SLC25A26: variants seen among roughly 807,000 people sequenced by gnomAD.
SLC25A26 encodes the protein solute carrier family 25 member 26.
Under a neutral mutation model 37.8 loss-of-function variants are expected in SLC25A26, and 36 were observed. That is an observed-to-expected ratio of 0.95 (90% CI 0.73 to 1.26). The LOEUF is 1.26. SLC25A26 is among the 50% of genes most tolerant of loss of function. The probability of loss-of-function intolerance (pLI) is 0.00; values close to 1 mark genes in which losing one functional copy is unlikely to be tolerated. For missense variants in SLC25A26, 390 were observed against 331.1 expected (o/e 1.18, Z -1.38); for synonymous variants, 129 against 122.5 (o/e 1.05, Z -0.35).
chr3:66,325,775 GGA>G (rs1192894068), intron 5 of SLC25A26, among the ~76,000 whole-genome samples: 2 of 152,172 alleles, frequency 1.3e-5, no homozygotes, highest in Non-Finnish European at 2.9e-5. Context: ...CCAAGACCAT[GGA>G]AGGACATTTT....
intron 5 of SLC25A26, among the ~76,000 whole-genome samples, chr3:66,294,765 G>T (rs1461172592): frequency 6.6e-6 from 1 of 152,178 alleles, no homozygotes; most frequent in Non-Finnish European, 1.5e-5. Flanking sequence ...CTACTATGTA[G>T]TAACCTATTT....
At chr3:66,291,731 A>G (rs933550353) in intron 5 of SLC25A26, among the ~76,000 whole-genome samples, 6 of 152,136 alleles carry the variant, frequency 3.9e-5, no homozygotes, top group Non-Finnish European at 5.9e-5. Context: ...TATGTGGTCA[A>G]TTTTAGAATA....
intron 5 of SLC25A26, among the ~76,000 whole-genome samples, chr3:66,310,128 AAGTC>A (rs2075335877): frequency 6.6e-6 from 1 of 152,110 alleles, no homozygotes. Flanking sequence ...TATTGTGTGG[AAGTC>A]TAAGTTTCTT....
At chr3:66,136,771 T>C (rs1304868166) in intron 1 of SLC25A26, among the ~76,000 whole-genome samples, 1 of 152,192 alleles carries the variant, frequency 6.6e-6, no homozygotes, top group Admixed American at 6.5e-5. Context: ...ACAGTATGCA[T>C]TAAATTGTAT....
chr3:66,216,493 A>G (rs2071363075), upstream of SLC25A26, among the ~76,000 whole-genome samples: 2 of 152,334 alleles, frequency 1.3e-5, no homozygotes, highest in South Asian at 4.1e-4. Flanking sequence ...CCTGGGCAAC[A>G]GGACAAGAAC....
chr3:66,363,770 G>T (rs564649443), intron 7 of SLC25A26, among the ~76,000 whole-genome samples: 3 of 152,252 alleles, frequency 2.0e-5, no homozygotes, highest in East Asian at 1.9e-4. Context: ...GGTCATTTTT[G>T]TTGTTGTTGT....
chr3:66,286,814 C>T (rs1035757106), intron 5 of SLC25A26, among the ~76,000 whole-genome samples: 3 of 152,092 alleles, frequency 2.0e-5, no homozygotes, highest in African/African-American at 7.2e-5. Context: ...AGGTGTGCAC[C>T]ACCATGCCCT....
At chr3:66,293,259 T>TA (rs1252219429) in intron 5 of SLC25A26, 1 of 152,154 alleles carries the variant, frequency 6.6e-6, no homozygotes, top group Admixed American at 6.5e-5. Context: ...TAACTGCCTT[T>TA]AAGGAGTATT....
At chr3:66,245,801 A>G (rs905887805) in intron 3 of SLC25A26, among the ~76,000 whole-genome samples, 15 of 152,152 alleles carry the variant, frequency 9.9e-5, no homozygotes, top group African/African-American at 3.6e-4. Flanking sequence ...TTTTAAAGAA[A>G]CCAGCTTTAT....
At position 66,256,667 on chromosome 3, in the gene SLC25A26, A is replaced by C. The variant is rs538235783; in HGVS notation, c.301-5384A>C. On this transcript the variant is annotated intron_variant, in intron 3 of 9. Coordinates refer to ENST00000354883, the MANE Select transcript of SLC25A26 (RefSeq NM_001379210.1). ...TTCCAGTGCTTTGGGAGGTTGAGGC[A>C]GGTGGATCATTTGAGGCCAGGAGTT... Among the ~76,000 whole-genome samples, 33 of 152,266 alleles carry C rather than the reference A, an allele frequency of 2.2e-4. No homozygotes were observed. In the South Asian group the frequency reaches 4.3e-3, roughly 20 times the overall value.
chr3:66,367,024 T>C (rs539151939), intron 7 of SLC25A26, among the ~76,000 whole-genome samples: 99 of 152,322 alleles, frequency 6.5e-4, no homozygotes, highest in African/African-American at 2.2e-3. Flanking sequence ...TCCCTGCCTT[T>C]TAGAGGATGA....
chr3:66,290,853 C>G (rs1434479876), intron 5 of SLC25A26, among the ~76,000 whole-genome samples: 2 of 152,182 alleles, frequency 1.3e-5, no homozygotes, highest in Non-Finnish European at 2.9e-5. Flanking sequence ...AGGAGCCCCT[C>G]TTTTTCTATT....
intron 5 of SLC25A26, among the ~76,000 whole-genome samples, chr3:66,272,729 C>T (rs1049876742): frequency 4.6e-5 from 7 of 152,130 alleles, no homozygotes; most frequent in Non-Finnish European, 2.9e-5. Flanking sequence ...AAATTAATTA[C>T]TGCTGCAAAC....
At chr3:66,235,646 ATTAG>A (rs1172382059) in intron 1 of SLC25A26, among the ~76,000 whole-genome samples, 7 of 152,230 alleles carry the variant, frequency 4.6e-5, no homozygotes, top group African/African-American at 9.6e-5. Context: ...TTCACTGCTT[ATTAG>A]TTAAGACAAC....
At position 66,377,679 on chromosome 3, in the gene SLC25A26, T is replaced by A. The variant is rs1700754596; in HGVS notation, c.708-11T>A. On this transcript the variant is annotated splice_polypyrimidine_tract_variant and intron_variant, in intron 9 of 9. Coordinates refer to ENST00000354883, the MANE Select transcript of SLC25A26 (RefSeq NM_001379210.1). ...TACGCACAACATTAAAAATCCTGTT[T>A]TTTCCCCTAGATTATTTGCAGGTGT... 1.9e-6 allele frequency: 3 copies of A among 1,607,310 alleles called. No individual in the cohort carries two copies. Among genetic ancestry groups the A allele is most frequent in the Non-Finnish European group, 2.6e-6 (3 of 1,174,060 alleles).
rs542446330 is a variant in SLC25A26, at chr3:66,280,259, G to T, written c.453+16880G>T. 2.4e-4 allele frequency among the ~76,000 whole-genome samples: 36 copies of T among 152,154 alleles called. No individual in the cohort carries two copies. The South Asian group carries it at 7.3e-3, about 31-fold the overall frequency. On this transcript the variant is annotated intron_variant, in intron 5 of 9. Transcript: ENST00000354883. ...TTTTCTGTATTTGAAGGAGAAAGTA[G>T]GTTGAATTTATCCAGCATCTGCCAT...
Position 66,169,148 on chromosome 3 carries a change from C to T in SLC25A26, c.-354+35164C>T, listed in dbSNP as rs564284622. Among the ~76,000 whole-genome samples the T allele has an allele frequency of 3.8e-4, 58 of 152,196 alleles. No homozygotes were observed. In the South Asian group the frequency reaches 0.012, roughly 30 times the overall value. ...TCTAAAAGAAAAGAAAATCCTCGTT[C>T]TTTCTTGACATCTTTTGGCTTCCTA... On this transcript the variant is annotated intron_variant, in intron 1 of 10. Transcript: ENST00000676754.
intron 6 of SLC25A26, among the ~76,000 whole-genome samples, chr3:66,353,162 A>G (rs890553998): frequency 2.0e-5 from 3 of 152,170 alleles, no homozygotes; most frequent in African/African-American, 7.2e-5. Flanking sequence ...TCTTTCACCT[A>G]GTTGCCTGAG....
chr3:66,296,806 G>A (rs528449666), intron 5 of SLC25A26, among the ~76,000 whole-genome samples: 32 of 152,190 alleles, frequency 2.1e-4, no homozygotes, highest in African/African-American at 6.5e-4. Context: ...TTTTTTTAAC[G>A]AATGGCATAA....
Sources: allele counts gnomAD v4.1 joint callset (sites outside exome capture counted in the v4.1 genomes callset), GRCh38; gene constraint gnomAD v4.1.1; transcripts MANE v1.5; gene names NCBI Gene and HGNC (gene_info 2026-07-23, HGNC 2026-07-21).